Variants in PLCG2 observed in about 807,000 individuals in gnomAD.
PLCG2 encodes the protein phospholipase C gamma 2.
Under a neutral mutation model 175.6 loss-of-function variants are expected in PLCG2, and 69 were observed. That is an observed-to-expected ratio of 0.39 (90% CI 0.32 to 0.48). The LOEUF is 0.48. Among genes scored for constraint, PLCG2 ranks in the 20% least tolerant of loss-of-function variants. PLCG2 has a pLI of 0.91. For missense variants in PLCG2, 1,798 were observed against 1,650.9 expected, an observed-to-expected ratio of 1.09 and a Z score of -1.54; for synonymous variants, 827 against 624.0, an observed-to-expected ratio of 1.33 and a Z score of -4.85.
intron 14 of PLCG2, among the ~76,000 whole-genome samples, chr16:81,903,286 T>G (rs1211577852): frequency 2.6e-5 from 4 of 152,116 alleles, no homozygotes; most frequent in Non-Finnish European, 5.9e-5. Context: ...GACACAATCC[T>G]TATGTTCCAG....
intron 1 of PLCG2, among the ~76,000 whole-genome samples, chr16:81,752,595 A>G (rs1909834840): frequency 6.6e-6 from 1 of 152,182 alleles, no homozygotes; most frequent in Admixed American, 6.5e-5. Context: ...GAGCCCCCAA[A>G]GGAGGGGCTG....
chr16:81,859,618 T>C (rs1011566174), intron 5 of PLCG2, among the ~76,000 whole-genome samples: 3 of 152,006 alleles, frequency 2.0e-5, no homozygotes, highest in African/African-American at 7.2e-5. Flanking sequence ...CACTGCGAGC[T>C]CCGCCTCCTG....
chr16:81,778,591 A>G (rs1597312416), upstream of PLCG2, among the ~76,000 whole-genome samples: 1 of 152,300 alleles, frequency 6.6e-6, no homozygotes, highest in South Asian at 2.1e-4. Context: ...AAAACGGGAC[A>G]TCAATTGTCT....
chr16:81,862,092 C>T (rs568818720), intron 5 of PLCG2, among the ~76,000 whole-genome samples: 4 of 152,324 alleles, frequency 2.6e-5, no homozygotes, highest in African/African-American at 9.6e-5. Flanking sequence ...GACCAAGATG[C>T]CAATGAAAGA....
In PLCG2 at chr16:81,923,468, CTTG is replaced by C. The variant is rs775164315; in HGVS notation, c.2308-14_2308-12del. ...CTGTCCCTGGCCTGACCTTTTCCTT[CTTG>C]TTTTCCCTGAAAGCCTCAGAGAACC... On this transcript the variant is annotated splice_polypyrimidine_tract_variant and intron_variant, in intron 21 of 32. Coordinates refer to ENST00000564138, the MANE Select transcript of PLCG2 (RefSeq NM_002661.5). The C allele has an allele frequency of 1.2e-5, 18 of 1,563,174 alleles. No homozygotes were observed. Among genetic ancestry groups the C allele is most frequent in the Non-Finnish European group, 1.5e-5 (17 of 1,134,554 alleles).
intron 31 of PLCG2, among the ~76,000 whole-genome samples, chr16:81,951,888 G>T (rs562379084): frequency 1.8e-4 from 28 of 152,256 alleles, no homozygotes; most frequent in South Asian, 1.0e-3. Context: ...GATCTCTATT[G>T]TATACAAATT....
chr16:81,781,799 G>C (rs1180116677), intron 1 of PLCG2, among the ~76,000 whole-genome samples: 1 of 152,170 alleles, frequency 6.6e-6, no homozygotes, highest in African/African-American at 2.4e-5. Context: ...CATGCACAGA[G>C]CACTGAAGAG....
In PLCG2 at chr16:81,905,391, T is replaced by A. The variant is rs769297164; in HGVS notation, c.1363-12T>A. 13 of 1,602,018 alleles carry A rather than the reference T, an allele frequency of 8.1e-6. No individual in the cohort carries two copies. Among genetic ancestry groups the A allele is most frequent in the Non-Finnish European group, 1.1e-5 (13 of 1,169,390 alleles). On this transcript the variant is annotated splice_polypyrimidine_tract_variant and intron_variant, in intron 14 of 32. Coordinates refer to ENST00000564138, the MANE Select transcript of PLCG2 (RefSeq NM_002661.5). The stretch of plus-strand genomic sequence containing the variant: ...TCCATGGAGACAGCCTATGTATATG[T>A]TTTCCCCTCAGCATAAGAAGCTGGG...
chr16:81,745,750 G>C (rs1352887724), intron 1 of PLCG2, among the ~76,000 whole-genome samples: 3 of 152,240 alleles, frequency 2.0e-5, no homozygotes, highest in Non-Finnish European at 4.4e-5. Context: ...GCTGACATTA[G>C]GGTCAGGGGG....
At chr16:81,764,091 G>T (rs568218695) in intron 2 of PLCG2, among the ~76,000 whole-genome samples, 3 of 152,054 alleles carry the variant, frequency 2.0e-5, no homozygotes, top group African/African-American at 7.2e-5. Flanking sequence ...CCAGGAGTTC[G>T]AGACCAGCCT....
intron 13 of PLCG2, among the ~76,000 whole-genome samples, chr16:81,897,291 C>T (rs746509530): frequency 6.6e-6 from 1 of 152,296 alleles, no homozygotes; most frequent in Admixed American, 6.5e-5. Context: ...ATAGCAGTTA[C>T]GAGTATGGGT....
intron 2 of PLCG2, among the ~76,000 whole-genome samples, chr16:81,847,729 G>C (rs1256733475): frequency 1.3e-5 from 2 of 152,240 alleles, no homozygotes; most frequent in South Asian, 2.1e-4. Context: ...ATTATTCCCT[G>C]AGCAATACAG....
At chr16:81,847,318 A>C (rs1391167343) in intron 2 of PLCG2, among the ~76,000 whole-genome samples, 2 of 152,226 alleles carry the variant, frequency 1.3e-5, no homozygotes, top group African/African-American at 4.8e-5. Flanking sequence ...GAAGCTCTCT[A>C]AGCCCTGTCA....
chr16:81,755,253 G>T (rs1269025108), intron 1 of PLCG2, among the ~76,000 whole-genome samples: 2 of 151,926 alleles, frequency 1.3e-5, no homozygotes, highest in African/African-American at 4.8e-5. Context: ...CTGGAGTACG[G>T]TGCCGTCATC....
intron 7 of PLCG2, among the ~76,000 whole-genome samples, chr16:81,875,345 T>G (rs565409836): frequency 6.6e-6 from 1 of 152,236 alleles, no homozygotes; most frequent in Admixed American, 6.5e-5. Flanking sequence ...TTTTAGGGAT[T>G]AAGAAACTGA....
At chr16:81,871,068 A>AC in intron 7 of PLCG2, 133 bp downstream of exon 7, 1 of 556,910 alleles carries the variant, frequency 1.8e-6, no homozygotes, top group Non-Finnish European at 3.2e-6. Flanking sequence ...AATGAGAATG[A>AC]TGAAAGCATA....
Position 81,747,643 on chromosome 16 carries a change from T to C in PLCG2, c.-144-8227T>C, listed in dbSNP as rs1340010121. Among the ~76,000 whole-genome samples, 3 of 152,176 alleles carry C rather than the reference T, an allele frequency of 2.0e-5. No individual in the cohort carries two copies. The East Asian group carries it at 5.8e-4, about 29-fold the overall frequency. Reference sequence around the variant, plus strand: ...AGTTACATCAATTGTGATGTATCCATATACTGGAATACCATGCAGCCATTT... The same window carrying C: ...AGTTACATCAATTGTGATGTATCCACATACTGGAATACCATGCAGCCATTT... On this transcript the variant is annotated intron_variant, in intron 1 of 5. Coordinates refer to the PLCG2 transcript ENST00000565054.
chr16:81,942,514 A>G (rs533065077), intron 30 of PLCG2, among the ~76,000 whole-genome samples: 1 of 152,332 alleles, frequency 6.6e-6, no homozygotes, highest in South Asian at 2.1e-4. Flanking sequence ...CCATACTGAA[A>G]AAATAAACTT....
At chr16:81,846,076 C>T (rs1022502771) in intron 2 of PLCG2, among the ~76,000 whole-genome samples, 3 of 152,220 alleles carry the variant, frequency 2.0e-5, no homozygotes, top group African/African-American at 7.2e-5. Context: ...CTCCCATTAC[C>T]AGGCTTGTGC....
Sources: gnomAD v4.1 joint callset for allele counts (sites outside exome capture counted in the v4.1 genomes callset) on GRCh38, gnomAD v4.1.1 for gene constraint, MANE v1.5 for transcripts, NCBI Gene and HGNC (gene_info 2026-07-23, HGNC 2026-07-21) for gene names.